PAXIP1: variants seen among roughly 807,000 people sequenced by gnomAD.
PAXIP1 encodes PAX interacting protein 1, also known as PAX-interacting protein 1.
PAXIP1 carries 19 observed loss-of-function variants against 140.6 expected under a neutral mutation model. That is an observed-to-expected ratio of 0.14 (90% CI 0.09 to 0.20). PAXIP1 has a LOEUF of 0.20. Among genes scored for constraint, PAXIP1 ranks in the 10% least tolerant of loss-of-function variants. The pLI is 1.00. For synonymous variants in PAXIP1, 442 were observed against 444.6 expected (o/e 0.99, Z 0.07); for missense variants, 920 against 1,208.6 (o/e 0.76, Z 3.54).
chr7:154,992,312 G>T (rs1306116789), intron 3 of PAXIP1, among the ~76,000 whole-genome samples: 2 of 152,214 alleles, frequency 1.3e-5, no homozygotes, highest in African/African-American at 4.8e-5. Flanking sequence ...ACTTTGGGAG[G>T]CCGAGGTGGG....
chr7:154,945,926 A>G (rs1807950631), intron 20 of PAXIP1: 1 of 985,294 alleles, frequency 1.0e-6, no homozygotes, highest in Non-Finnish European at 1.2e-6. Context: ...TGAAGTATTC[A>G]TTCTGCCGCT....
chr7:154,961,317 A>G (rs753872526), intron 11 of PAXIP1, among the ~76,000 whole-genome samples: 12 of 152,338 alleles, frequency 7.9e-5, no homozygotes, highest in East Asian at 1.9e-4. Context: ...TGTTCATTCA[A>G]ATTTCATTAG....
At chr7:154,982,602 C>A (rs1418114716) in intron 5 of PAXIP1, among the ~76,000 whole-genome samples, 1 of 152,190 alleles carries the variant, frequency 6.6e-6, no homozygotes, top group Admixed American at 6.5e-5. Context: ...CCACCCACAT[C>A]GGCCTCCCAA....
chr7:154,992,745 T>C (rs1392549697), intron 3 of PAXIP1, among the ~76,000 whole-genome samples: 2 of 152,208 alleles, frequency 1.3e-5, no homozygotes, highest in Admixed American at 6.5e-5. Flanking sequence ...CAGGAACTAA[T>C]TTCCTTCAAC....
chr7:154,993,397 A>G (rs1200095628), intron 3 of PAXIP1, among the ~76,000 whole-genome samples: 1 of 152,210 alleles, frequency 6.6e-6, no homozygotes, highest in Non-Finnish European at 1.5e-5. Context: ...CTCTTCAAAC[A>G]ATTCATGATT....
intron 6 of PAXIP1, among the ~76,000 whole-genome samples, chr7:154,970,845 C>A (rs1175810809): frequency 6.6e-6 from 1 of 152,142 alleles, no homozygotes; most frequent in African/African-American, 2.4e-5. Context: ...CCTTTGGTAT[C>A]ATTTGAATTT....
intron 8 of PAXIP1, chr7:154,965,485 G>A (rs1027569002): frequency 3.3e-5 from 5 of 151,752 alleles, no homozygotes; most frequent in African/African-American, 1.2e-4. Context: ...ACACAGGTGT[G>A]AACTGTGTGG....
chr7:154,956,986 A>T lies in PAXIP1; in HGVS notation c.2549+238T>A. 1 of 357,170 alleles carries T rather than the reference A, an allele frequency of 2.8e-6. No homozygotes were observed. The highest frequency in any genetic ancestry group is 5.0e-6 in the Non-Finnish European group (1 of 199,802). 22.1% of individuals were successfully genotyped at this position (357,170 alleles called of 1,614,324 possible). On this transcript the variant is annotated intron_variant, in intron 14 of 20. Coordinates refer to ENST00000404141, the MANE Select transcript of PAXIP1 (RefSeq NM_007349.4). This position sits in a 1 kb window ranked among gnomAD's most constrained non-coding sequence, Gnocchi z 4.2. Reference sequence around the variant, plus strand: ...TGCAACTTCTGTTTTACATGTTGGAAAGGGGCTTCTTATAATATGCCACTT... The same window carrying T: ...TGCAACTTCTGTTTTACATGTTGGATAGGGGCTTCTTATAATATGCCACTT...
chr7:154,945,638 T>A (rs1370519402), intron 20 of PAXIP1: 1 of 860,014 alleles, frequency 1.2e-6, no homozygotes, highest in Non-Finnish European at 1.4e-6. Flanking sequence ...CCAGCCTCAT[T>A]GCAGGAGGCC....
At chr7:155,002,303 G>A (rs905149190) in intron 1 of PAXIP1, among the ~76,000 whole-genome samples, 1 of 152,194 alleles carries the variant, frequency 6.6e-6, no homozygotes, top group Non-Finnish European at 1.5e-5. Context: ...CAGGCTGGAA[G>A]GGAGCGCTCC....
chr7:154,964,755 T>A (rs969168924), intron 8 of PAXIP1: 2 of 152,364 alleles, frequency 1.3e-5, no homozygotes, highest in East Asian at 3.9e-4. Context: ...GACTCTTGTT[T>A]AGATCATTCA....
In PAXIP1 at chr7:154,956,985, A is replaced by C; in HGVS notation, c.2549+239T>G. 1 of 355,204 alleles carries C rather than the reference A, an allele frequency of 2.8e-6. No homozygotes were observed. Among genetic ancestry groups the C allele is most frequent in the Non-Finnish European group, 5.0e-6 (1 of 198,458 alleles). 22.0% of individuals were successfully genotyped at this position (355,204 alleles called of 1,614,324 possible). A position where few individuals can be genotyped will look rare whatever the true frequency, so the allele number is the denominator to read the frequency against. On this transcript the variant is annotated intron_variant, in intron 14 of 20. Transcript: ENST00000404141. The surrounding 1 kb of genome is among the most constrained non-coding windows in gnomAD (Gnocchi z 4.2). ...CTGCAACTTCTGTTTTACATGTTGG[A>C]AAGGGGCTTCTTATAATATGCCACT...
chr7:154,943,910 C>A lies in PAXIP1; in HGVS notation c.*239G>T. 1 of 469,868 alleles carries A rather than the reference C, an allele frequency of 2.1e-6. No homozygotes were observed. The highest frequency in any genetic ancestry group is 3.9e-6 in the Non-Finnish European group (1 of 253,554). The allele number at this position is 469,868 out of a possible 1,614,324, so 29.1% of individuals were successfully genotyped here. ...AAACCTGGCAAATGAATCATAAAAC[C>A]TAATGTGGGCTCTTAAAGTCATATA... On this transcript the variant is annotated 3_prime_UTR_variant, in exon 21 of 21. Coordinates refer to ENST00000404141, the MANE Select transcript of PAXIP1 (RefSeq NM_007349.4).
At chr7:154,965,473 C>T (rs1246774416) in intron 8 of PAXIP1, 3 of 152,300 alleles carry the variant, frequency 2.0e-5, no homozygotes, top group Non-Finnish European at 4.4e-5. Context: ...TATACTTAAG[C>T]AACACAGGTG....
chr7:154,999,853 C>A (rs1810807290), intron 1 of PAXIP1, among the ~76,000 whole-genome samples: 1 of 152,090 alleles, frequency 6.6e-6, no homozygotes, highest in South Asian at 2.1e-4. Flanking sequence ...AAGGTGGTCG[C>A]AGTGCAGAAT....
At chr7:154,960,848 T>C (rs202015043) in intron 12 of PAXIP1, 45 bp downstream of exon 12, 15 of 1,347,314 alleles carry the variant, frequency 1.1e-5, no homozygotes, top group Middle Eastern at 1.9e-4. Context: ...GTAATGCTAA[T>C]GATTTTATTT....
At chr7:154,981,303 T>G (rs1393431468) in intron 5 of PAXIP1, among the ~76,000 whole-genome samples, 2 of 152,210 alleles carry the variant, frequency 1.3e-5, no homozygotes, top group Non-Finnish European at 2.9e-5. Context: ...TAGTGTTATT[T>G]TTATTACTGG....
chr7:154,975,645 A>G, intron 6 of PAXIP1, 51 bp downstream of exon 6: 1 of 1,262,880 alleles, frequency 7.9e-7, no homozygotes, highest in Non-Finnish European at 1.1e-6. Context: ...AGACTGTGAA[A>G]TCCAATTCTA....
chr7:154,968,379 G>C, intron 7 of PAXIP1, 24 bp downstream of exon 7: 1 of 1,510,904 alleles, frequency 6.6e-7, no homozygotes, highest in East Asian at 2.5e-5. Context: ...TTAGGAGAGA[G>C]GAAAAATAAT....
Sources: gnomAD v4.1 joint callset for allele counts (sites outside exome capture counted in the v4.1 genomes callset) on GRCh38, gnomAD v4.1.1 for gene constraint, Gnocchi (gnomAD v3.1) non-coding constraint, MANE v1.5 for transcripts, NCBI Gene and HGNC (gene_info 2026-07-23, HGNC 2026-07-21) for gene names.